The following COL9A2 variants were observed in gnomAD, a reference collection of about 807,000 sequenced individuals.
COL9A2 encodes the protein collagen type IX alpha 2 chain.
In COL9A2, 66 loss-of-function variants were observed where a neutral mutation model predicts 111.6. The observed-to-expected ratio is 0.59, with a 90% CI of 0.48 to 0.73. COL9A2 has a LOEUF of 0.73. Ranked by LOEUF, COL9A2 falls within the 30% of genes least tolerant of loss-of-function variation. The pLI, the probability that COL9A2 is intolerant of heterozygous loss-of-function variation, is 0.00. For synonymous variants in COL9A2, 353 were observed against 364.1 expected, an observed-to-expected ratio of 0.97 and a Z score of 0.35; for missense variants, 881 against 954.1, an observed-to-expected ratio of 0.92 and a Z score of 1.01.
At chr1:40,304,897 C>A in intron 21 of COL9A2, 50 bp from the exon 22 acceptor site, 2 of 1,501,808 alleles carry the variant, frequency 1.3e-6, no homozygotes, top group Non-Finnish European at 1.8e-6. Flanking sequence ...TGGAACCCAC[C>A]CTTCCACACC....
Position 40,312,211 on chromosome 1 carries a change from ACT to A in COL9A2, c.364-101_364-100del. The stretch of plus-strand genomic sequence containing the variant: ...ACCCAAAGCCCGTTTCTCCACTTTT[ACT>A]TTTTTTTTTTTTTTGCCAACCCCAG... On this transcript the variant is annotated intron_variant, in intron 7 of 31. Coordinates refer to ENST00000372748, the MANE Select transcript of COL9A2 (RefSeq NM_001852.4). The surrounding 1 kb of genome is among the most constrained non-coding windows in gnomAD (Gnocchi z 6.0). 1 of 1,086,552 alleles carries A rather than the reference ACT, an allele frequency of 9.2e-7. No homozygotes were observed. The highest frequency in any genetic ancestry group is 1.3e-6 in the Non-Finnish European group (1 of 772,162). The allele number at this position is 1,086,552 out of a possible 1,614,324, so 67.3% of individuals were successfully genotyped here.
At position 40,307,975 on chromosome 1, in the gene COL9A2, C is replaced by T. The variant is rs911437277; in HGVS notation, c.900+217G>A. Among the ~76,000 whole-genome samples, 27 of 152,116 alleles carry T rather than the reference C, an allele frequency of 1.8e-4. No homozygotes were observed. Among genetic ancestry groups the T allele is most frequent in the Non-Finnish European group, 1.8e-4 (12 of 68,004 alleles). ...TCCCTAGTGTGGAGGGTGGTGTCCC[C>T]GACTGCTGCAAGCTCCCCATGACCT... On this transcript the variant is annotated intron_variant, in intron 17 of 31. Coordinates refer to ENST00000372748, the MANE Select transcript of COL9A2 (RefSeq NM_001852.4). This position sits in a 1 kb window ranked among gnomAD's most constrained non-coding sequence, Gnocchi z 4.8.
chr1:40,303,417 C>T lies in COL9A2; in HGVS notation c.1548+113G>A, dbSNP rs1025890772. Reference sequence around the variant, plus strand: ...TCCTGTCTGCTCTGGGGCTTGGAACCAGTCTCGGGGAAGTCGGTGAGTCTC... The same window carrying T: ...TCCTGTCTGCTCTGGGGCTTGGAACTAGTCTCGGGGAAGTCGGTGAGTCTC... On this transcript the variant is annotated intron_variant, in intron 28 of 31. Coordinates refer to ENST00000372748, the MANE Select transcript of COL9A2 (RefSeq NM_001852.4). This position sits in a 1 kb window ranked among gnomAD's most constrained non-coding sequence, Gnocchi z 4.6. The T allele has an allele frequency of 1.4e-6, 2 of 1,455,172 alleles. No homozygotes were observed. The highest frequency in any genetic ancestry group is 1.9e-6 in the Non-Finnish European group (2 of 1,061,508). 90.1% of individuals were successfully genotyped at this position (1,455,172 alleles called of 1,614,324 possible).
In COL9A2 at chr1:40,301,840, G is replaced by C. The variant is rs763724733; in HGVS notation, c.1842C>G (p.Pro614=). Residue 614 remains proline, a synonymous_variant, in exon 31 of 32, where the codon CCC becomes CCG. Transcript: ENST00000372748. ...GDPGEVGRGH[P]GMPGPPGIPG... is the part of the protein sequence containing the mutation. ...GGATCCCTGGGGGCCCAGGCATCCC[G>C]GGGTGCCCCCGTCCCACTTCTCCTG... 5 of 1,614,074 alleles carry C rather than the reference G, an allele frequency of 3.1e-6. No individual in the cohort carries two copies. The highest frequency in any genetic ancestry group is 4.2e-6 in the Non-Finnish European group (5 of 1,179,984).
chr1:40,312,535 C>A lies in COL9A2; in HGVS notation c.339+39G>T. 6.2e-7 allele frequency: 1 copy of A among 1,614,030 alleles called. No individual in the cohort carries two copies. Among genetic ancestry groups the A allele is most frequent in the Non-Finnish European group, 8.5e-7 (1 of 1,179,970 alleles). ...TGGCTCCCTCTGCAGGTCCCCTCTC[C>A]CCCAAGAGTCCCTCGAAGCCCTTGC... On this transcript the variant is annotated intron_variant, in intron 6 of 31. Coordinates refer to ENST00000372748, the MANE Select transcript of COL9A2 (RefSeq NM_001852.4). The surrounding 1 kb of genome is among the most constrained non-coding windows in gnomAD (Gnocchi z 6.0).
intron 17 of COL9A2, 33 bp downstream of exon 17, chr1:40,308,159 C>G (rs993968229): frequency 3.1e-6 from 5 of 1,608,308 alleles, no homozygotes; most frequent in Admixed American, 1.7e-5. Context: ...GCCCTGGCCT[C>G]TGTCCTGGTG....
rs754855540 is a variant in COL9A2 at position 40,303,104 on chromosome 1, C to G, written c.1603+27G>C. 2 of 1,609,420 alleles carry G rather than the reference C, an allele frequency of 1.2e-6. No homozygotes were observed. Among genetic ancestry groups the G allele is most frequent in the East Asian group, 2.2e-5 (1 of 44,810 alleles). On this transcript the variant is annotated intron_variant, in intron 29 of 31. Transcript: ENST00000372748. This position sits in a 1 kb window ranked among gnomAD's most constrained non-coding sequence, Gnocchi z 4.6. ...GGGGGCGGCGATGCCCTCGAACTGA[C>G]TGTGAGGAGGGGTTGCTGCCCCTCA...
chr1:40,306,423 G>A (rs1465888823), intron 19 of COL9A2, among the ~76,000 whole-genome samples: 5 of 152,246 alleles, frequency 3.3e-5, no homozygotes, highest in African/African-American at 1.2e-4. Context: ...AGATGGATAT[G>A]TGCTCTCAGG....
At chr1:40,305,061 CTTTTTTT>C (rs869251364) in intron 21 of COL9A2, 29 of 123,634 alleles carry the variant, frequency 2.3e-4, no homozygotes, top group South Asian at 6.9e-4. Flanking sequence ...TTCTTTCTTT[CTTTTTTT>C]TTTTTTTTTT....
chr1:40,311,858 C>A lies in COL9A2; in HGVS notation c.418-143G>T. ...GATCCACCATCTTGGGAGATGAAGG[C>A]CTGATTGACAGGGGATGGGGCCAGC... On this transcript the variant is annotated intron_variant, in intron 8 of 31. Coordinates refer to ENST00000372748, the MANE Select transcript of COL9A2 (RefSeq NM_001852.4). This position sits in a 1 kb window ranked among gnomAD's most constrained non-coding sequence, Gnocchi z 5.1. The A allele has an allele frequency of 1.9e-6, 2 of 1,053,308 alleles. No homozygotes were observed. The highest frequency in any genetic ancestry group is 1.5e-6 in the Non-Finnish European group (1 of 686,828). The allele number at this position is 1,053,308 out of a possible 1,614,324, so 65.2% of individuals were successfully genotyped here.
rs115675008 is a variant in COL9A2 at position 40,301,194 on chromosome 1, G to A, written c.2058C>T (p.Ile686=). Residue 686 remains isoleucine (I), a synonymous_variant, in exon 32 of 32, where the codon ATC becomes ATT. Coordinates refer to ENST00000372748, the MANE Select transcript of COL9A2 (RefSeq NM_001852.4). ...ASARLTEPGS[I]KGP is the part of the protein sequence containing the mutation. ...CTGGGCCTGATGCTCAAGGCCCCTT[G>A]ATGGATCCAGGCTCTGTAAGGCGGG... 5.5e-5 allele frequency: 89 copies of A among 1,613,612 alleles called. 2 individuals carry two copies. The African/African-American group carries it at 1.1e-3, about 20-fold the overall frequency.
intron 2 of COL9A2, among the ~76,000 whole-genome samples, chr1:40,315,028 G>A (rs1006867658): frequency 3.3e-5 from 5 of 152,120 alleles, no homozygotes; most frequent in African/African-American, 9.7e-5. Flanking sequence ...CCTGTGTTTG[G>A]GGGGTGGGGG....
chr1:40,311,640 T>C lies in COL9A2; in HGVS notation c.471+22A>G. 1.2e-6 allele frequency: 2 copies of C among 1,613,876 alleles called. No individual in the cohort carries two copies. Among genetic ancestry groups the C allele is most frequent in the Non-Finnish European group, 1.7e-6 (2 of 1,179,810 alleles). On this transcript the variant is annotated intron_variant, in intron 9 of 31. Transcript: ENST00000372748. This position sits in a 1 kb window ranked among gnomAD's most constrained non-coding sequence, Gnocchi z 5.1. ...TCTCCTTCCCCTGCACTTTGCCATG[T>C]CGGGGGTCTGGGGACACTTACAGGT...
chr1:40,305,648 G>A (rs748303732), intron 21 of COL9A2, 67 bp downstream of exon 21: 1 of 1,454,780 alleles, frequency 6.9e-7, no homozygotes, highest in East Asian at 2.3e-5. Flanking sequence ...CTCTCCCTAG[G>A]TTAGGGCTCC....
chr1:40,303,456 C>G lies in COL9A2; in HGVS notation c.1548+74G>C. On this transcript the variant is annotated intron_variant, in intron 28 of 31. Transcript: ENST00000372748. The surrounding 1 kb of genome is among the most constrained non-coding windows in gnomAD (Gnocchi z 4.6). ...TCGGTGAGTCTCTGGGAATCCCTAGCCTTTGGCGGGTAAGCCGCACCCCAG... is the reference window on the plus strand; with the variant it reads ...TCGGTGAGTCTCTGGGAATCCCTAGGCTTTGGCGGGTAAGCCGCACCCCAG... 1 of 1,589,102 alleles carries G rather than the reference C, an allele frequency of 6.3e-7. No individual in the cohort carries two copies. The highest frequency in any genetic ancestry group is 8.6e-7 in the Non-Finnish European group (1 of 1,164,924).
rs1389172353 is a variant in COL9A2 at position 40,302,195 on chromosome 1, G to A, written c.1793-306C>T. Among the ~76,000 whole-genome samples, 1 of 152,146 alleles carries A rather than the reference G, an allele frequency of 6.6e-6. No homozygotes were observed. Among genetic ancestry groups the A allele is most frequent in the Non-Finnish European group, 1.5e-5 (1 of 68,036 alleles). ...AGGATAGTCCTCACTGCCACATGAT[G>A]AGGTTGGTACTTTCAGTGTCCCCAT... On this transcript the variant is annotated intron_variant, in intron 30 of 31. Coordinates refer to ENST00000372748, the MANE Select transcript of COL9A2 (RefSeq NM_001852.4). This position sits in a 1 kb window ranked among gnomAD's most constrained non-coding sequence, Gnocchi z 4.5.
rs1266747667 is a variant in COL9A2 at position 40,303,780 on chromosome 1, G to A, written c.1401+27C>T. The A allele has an allele frequency of 4.5e-6, 7 of 1,561,098 alleles. No individual in the cohort carries two copies. In the East Asian group the frequency reaches 1.7e-4, roughly 37 times the overall value. ...AAGGGAGTGGCCGCCCAGGAAAGTCGGAGAACGCCGGGAGGGGAGGACTCA... is the reference window on the plus strand; with the variant it reads ...AAGGGAGTGGCCGCCCAGGAAAGTCAGAGAACGCCGGGAGGGGAGGACTCA... On this transcript the variant is annotated intron_variant, in intron 27 of 31. Transcript: ENST00000372748. The surrounding 1 kb of genome is among the most constrained non-coding windows in gnomAD (Gnocchi z 4.6).
In COL9A2 at chr1:40,311,194, CA is replaced by C; in HGVS notation, c.576+35del. On this transcript the variant is annotated intron_variant, in intron 11 of 31. Coordinates refer to ENST00000372748, the MANE Select transcript of COL9A2 (RefSeq NM_001852.4). The surrounding 1 kb of genome is among the most constrained non-coding windows in gnomAD (Gnocchi z 5.1). ...ATACGAGGTCCCCTCCTGTCACCTGCACCACCCTCCCAAGATTCAGGCCAGG... is the reference window on the plus strand; with the variant it reads ...ATACGAGGTCCCCTCCTGTCACCTGCCCACCCTCCCAAGATTCAGGCCAGG... 1 of 1,614,198 alleles carries C rather than the reference CA, an allele frequency of 6.2e-7. No individual in the cohort carries two copies. Among genetic ancestry groups the C allele is most frequent in the South Asian group, 1.1e-5 (1 of 91,088 alleles).
intron 1 of COL9A2, 41 bp from the exon 2 acceptor site, chr1:40,315,705 C>A: frequency 6.8e-7 from 1 of 1,469,142 alleles, no homozygotes; most frequent in Non-Finnish European, 9.2e-7. Flanking sequence ...TCAGACAGTG[C>A]AGGAAGCTGG....
Sources: gnomAD v4.1 joint callset for allele counts (sites outside exome capture counted in the v4.1 genomes callset) on GRCh38, gnomAD v4.1.1 for gene constraint, Gnocchi (gnomAD v3.1) non-coding constraint, MANE v1.5 for transcripts, NCBI Gene and HGNC (gene_info 2026-07-23, HGNC 2026-07-21) for gene names.